Variants in IFT52 observed in about 807,000 individuals in gnomAD.
The protein encoded by IFT52 is intraflagellar transport 52.
In IFT52, 44 loss-of-function variants were observed where a neutral mutation model predicts 54.4. That is an observed-to-expected ratio of 0.81 (90% CI 0.63 to 1.04). IFT52 has a LOEUF of 1.04. Ranked by LOEUF, IFT52 falls within the 50% of genes least tolerant of loss-of-function variation. IFT52 has a pLI of 0.00. For synonymous variants in IFT52, 181 were observed against 185.3 expected, an observed-to-expected ratio of 0.98 and a Z score of 0.19; for missense variants, 452 against 523.6, an observed-to-expected ratio of 0.86 and a Z score of 1.33.
At chr20:43,628,689 A>G (rs561529781) in intron 10 of IFT52, among the ~76,000 whole-genome samples, 7 of 152,236 alleles carry the variant, frequency 4.6e-5, no homozygotes, top group South Asian at 2.1e-4. Flanking sequence ...TGTCTCTACT[A>G]AAAACACAAA....
chr20:43,643,496 C>A lies in IFT52; in HGVS notation c.1266+872C>A, dbSNP rs1345893856. ...GTGAGACTCTGTCTCAAAAAAAAAA[C>A]AAAAAAATAGAGCTGGGTAAGAGGG... is the stretch of plus-strand genomic sequence containing the variant. On this transcript the variant is annotated intron_variant, in intron 13 of 13. Transcript: ENST00000373030. 9.1e-5 allele frequency among the ~76,000 whole-genome samples: 5 copies of A among 55,028 alleles called. 2 individuals are homozygous for A. The Admixed American group carries it at 1.0e-3, about 11-fold the overall frequency. The allele number at this position is 55,028 out of a possible 152,430, so 36.1% of individuals were successfully genotyped here.
chr20:43,615,071 A>G (rs1349060780), intron 7 of IFT52, among the ~76,000 whole-genome samples: 1 of 151,910 alleles, frequency 6.6e-6, no homozygotes, highest in Non-Finnish European at 1.5e-5. Context: ...GGCTTCCCAA[A>G]GTGCTGGGAT....
chr20:43,611,441 C>CT lies in IFT52; in HGVS notation c.486-2382dup, dbSNP rs11469500. ...TACTTAGTCTTATCAAAATGTCAGT[C>CT]TTTTTTTTTTTTTTTTTTTTTTTTT... On this transcript the variant is annotated intron_variant, in intron 6 of 13. Coordinates refer to ENST00000373030, the MANE Select transcript of IFT52 (RefSeq NM_016004.5). 4.0e-3 allele frequency among the ~76,000 whole-genome samples: 222 copies of CT among 55,098 alleles called. 16 individuals are homozygous for CT. Among genetic ancestry groups the CT allele is most frequent in the African/African-American group, 4.7e-3 (60 of 12,676 alleles). 36.1% of individuals were successfully genotyped at this position (55,098 alleles called of 152,430 possible). A position where few individuals can be genotyped will look rare whatever the true frequency, so the allele number is the denominator to read the frequency against.
rs567507538 is a variant in IFT52, at chr20:43,620,839, C to CTTT, written c.700-10_700-8dup. 18 of 1,281,316 alleles carry CTTT rather than the reference C, an allele frequency of 1.4e-5. No homozygotes were observed. The highest frequency in any genetic ancestry group is 5.9e-5 in the African/African-American group (4 of 67,878). The allele number at this position is 1,281,316 out of a possible 1,614,324, so 79.4% of individuals were successfully genotyped here. A position where few individuals can be genotyped will look rare whatever the true frequency, so the allele number is the denominator to read the frequency against. ...AATAACCAACTGTCCTAATTATATACTTTTTTTTTTAATTTAGGATGTTGT... is the reference window on the plus strand; with the variant it reads ...AATAACCAACTGTCCTAATTATATACTTTTTTTTTTTTTAATTTAGGATGTTGT... On this transcript the variant is annotated splice_polypyrimidine_tract_variant and intron_variant, in intron 8 of 13. Coordinates refer to ENST00000373030, the MANE Select transcript of IFT52 (RefSeq NM_016004.5).
rs185812167 is a variant in IFT52 at position 43,638,832 on chromosome 20, A to G, written c.1120+1579A>G. 3.7e-3 allele frequency among the ~76,000 whole-genome samples: 559 copies of G among 152,302 alleles called. 2 individuals are homozygous for G. Among genetic ancestry groups the G allele is most frequent in the African/African-American group, 0.013 (530 of 41,566 alleles). The stretch of plus-strand genomic sequence containing the variant: ...CCTGAATGAAGAAAGCAAGATATAA[A>G]ACTGCATGTACAAGAGGATACCAGC... On this transcript the variant is annotated intron_variant, in intron 12 of 13. Coordinates refer to ENST00000373030, the MANE Select transcript of IFT52 (RefSeq NM_016004.5).
At position 43,647,019 on chromosome 20, in the gene IFT52, T is replaced by G; in HGVS notation, c.*36T>G. On this transcript the variant is annotated 3_prime_UTR_variant, in exon 14 of 14. Transcript: ENST00000373030. ...TCTTGAAGCTTTTTCTGCCTCCTGATTCTCTCTTTGTAAACTATTTTCAAA... is the reference window on the plus strand; with the variant it reads ...TCTTGAAGCTTTTTCTGCCTCCTGAGTCTCTCTTTGTAAACTATTTTCAAA... 6.3e-7 allele frequency: 1 copy of G among 1,576,124 alleles called. No individual in the cohort carries two copies. Among genetic ancestry groups the G allele is most frequent in the Non-Finnish European group, 8.7e-7 (1 of 1,146,004 alleles).
chr20:43,607,779 G>A (rs534614316), intron 6 of IFT52, among the ~76,000 whole-genome samples: 26 of 152,222 alleles, frequency 1.7e-4, no homozygotes, highest in African/African-American at 5.5e-4. Context: ...TCGGCACTTT[G>A]GGAGGCCAAG....
chr20:43,641,286 A>G (rs1338220736), intron 12 of IFT52, among the ~76,000 whole-genome samples: 1 of 152,044 alleles, frequency 6.6e-6, no homozygotes, highest in African/African-American at 2.4e-5. Context: ...CAGTGGCACG[A>G]TCTTGGCTCA....
At chr20:43,612,289 G>A (rs1983515905) in intron 6 of IFT52, among the ~76,000 whole-genome samples, 1 of 152,056 alleles carries the variant, frequency 6.6e-6, no homozygotes, top group Non-Finnish European at 1.5e-5. Context: ...CTGGAGTAAG[G>A]GTAGAAGGTG....
chr20:43,615,135 C>T (rs145187520), intron 7 of IFT52, among the ~76,000 whole-genome samples: 2,430 of 151,992 alleles, frequency 0.016, 37 homozygotes, highest in Non-Finnish European at 0.024. Context: ...AATCTTGGCT[C>T]ACTGCAATCT....
intron 4 of IFT52, 39 bp from the exon 5 acceptor site, chr20:43,604,144 C>G: frequency 6.6e-7 from 1 of 1,510,388 alleles, no homozygotes; most frequent in Non-Finnish European, 9.2e-7. Flanking sequence ...GAATTTATTT[C>G]TAACCTAAAA....
chr20:43,620,834 A>G (rs750312800), intron 8 of IFT52, 23 bp from the exon 9 acceptor site: 11 of 1,512,822 alleles, frequency 7.3e-6, no homozygotes, highest in South Asian at 2.3e-5. Flanking sequence ...TGTCCTAATT[A>G]TATACTTTTT....
chr20:43,642,446 G>C, intron 12 of IFT52, 33 bp from the exon 13 acceptor site: 1 of 1,604,266 alleles, frequency 6.2e-7, no homozygotes, highest in Non-Finnish European at 8.5e-7. Context: ...CAGAAGTTAA[G>C]AATTAATCTA....
intron 10 of IFT52, among the ~76,000 whole-genome samples, chr20:43,632,295 C>G (rs978501239): frequency 2.0e-5 from 3 of 149,504 alleles, no homozygotes; most frequent in African/African-American, 7.4e-5. Context: ...GAGTCTTGCT[C>G]TGTCTCCCAG....
At chr20:43,605,355 T>A in intron 6 of IFT52, 1 of 531,712 alleles carries the variant, frequency 1.9e-6, no homozygotes, top group Non-Finnish European at 2.7e-6. Flanking sequence ...GAGACAAGTG[T>A]AACCAACATG....
chr20:43,623,392 G>T (rs966253792), intron 9 of IFT52, among the ~76,000 whole-genome samples: 6 of 152,202 alleles, frequency 3.9e-5, no homozygotes, highest in South Asian at 2.1e-4. Context: ...TTGCCATATT[G>T]CCCAGGCTGA....
intron 6 of IFT52, among the ~76,000 whole-genome samples, chr20:43,608,694 C>G (rs1983173392): frequency 6.6e-6 from 1 of 151,962 alleles, no homozygotes; most frequent in South Asian, 2.1e-4. Context: ...CACTTGAGCT[C>G]AGGAGTTCAA....
At chr20:43,631,198 A>G (rs1475501819) in intron 10 of IFT52, among the ~76,000 whole-genome samples, 2 of 152,126 alleles carry the variant, frequency 1.3e-5, no homozygotes, top group African/African-American at 4.8e-5. Context: ...TCATTCCTGT[A>G]CCTCAGTTTC....
rs565411354 is a variant in IFT52 at position 43,615,462 on chromosome 20, A to G, written c.612+1486A>G. Among the ~76,000 whole-genome samples, 7 of 151,970 alleles carry G rather than the reference A, an allele frequency of 4.6e-5. No homozygotes were observed. The South Asian group carries it at 1.5e-3, about 32-fold the overall frequency. On this transcript the variant is annotated intron_variant, in intron 7 of 13. Coordinates refer to ENST00000373030, the MANE Select transcript of IFT52 (RefSeq NM_016004.5). ...ACCTAGGTGTCTCTAGCTCTGAACA[A>G]TCCTATTTTTCTTTGTGGTACCTAG...
Sources: allele counts gnomAD v4.1 joint callset (sites outside exome capture counted in the v4.1 genomes callset), GRCh38; gene constraint gnomAD v4.1.1; transcripts MANE v1.5; gene names NCBI Gene and HGNC (gene_info 2026-07-23, HGNC 2026-07-21).